FBXL17: variants seen among roughly 807,000 people sequenced by gnomAD.
FBXL17 encodes F-box/LRR-repeat protein 17.
FBXL17 carries 22 observed loss-of-function variants against 66.2 expected under a neutral mutation model. The ratio of observed to expected loss-of-function variants is 0.33; its 90% CI spans 0.24 to 0.47. The LOEUF (loss-of-function observed/expected upper bound fraction) is 0.47. FBXL17 is among the 20% of genes least tolerant of loss of function. The pLI, the probability that FBXL17 is intolerant of heterozygous loss-of-function variation, is 1.00. For missense variants in FBXL17, 878 were observed against 948.2 expected, an observed-to-expected ratio of 0.93 and a Z score of 0.97; for synonymous variants, 474 against 400.5, an observed-to-expected ratio of 1.18 and a Z score of -2.19.
intron 6 of FBXL17, among the ~76,000 whole-genome samples, chr5:108,043,404 T>A (rs993017495): frequency 6.6e-6 from 1 of 152,196 alleles, no homozygotes; most frequent in African/African-American, 2.4e-5. Context: ...TTCATTTTTA[T>A]ATAAGCTATG....
chr5:107,979,773 G>T (rs1327339360), intron 7 of FBXL17, among the ~76,000 whole-genome samples: 1 of 152,154 alleles, frequency 6.6e-6, no homozygotes, highest in Non-Finnish European at 1.5e-5. Flanking sequence ...CATGAACCCT[G>T]AGTGATCCTT....
intron 7 of FBXL17, among the ~76,000 whole-genome samples, chr5:107,960,720 T>C (rs1751868305): frequency 6.6e-6 from 1 of 152,216 alleles, no homozygotes; most frequent in South Asian, 2.1e-4. Flanking sequence ...CAATCCATTG[T>C]TCTTGGGTCT....
intron 6 of FBXL17, among the ~76,000 whole-genome samples, chr5:108,183,953 C>T (rs1753117819): frequency 6.6e-6 from 1 of 152,080 alleles, no homozygotes; most frequent in African/African-American, 2.4e-5. Flanking sequence ...ATCACATACC[C>T]ATTCTAGAGG....
chr5:107,915,975 C>A (rs1475596061), intron 7 of FBXL17, among the ~76,000 whole-genome samples: 6 of 152,206 alleles, frequency 3.9e-5, no homozygotes, highest in Non-Finnish European at 8.8e-5. Context: ...TATTTTCTCT[C>A]ACTGTATAAA....
At chr5:107,967,056 G>T (rs1443923829) in intron 7 of FBXL17, among the ~76,000 whole-genome samples, 3 of 152,004 alleles carry the variant, frequency 2.0e-5, no homozygotes, top group African/African-American at 7.2e-5. Context: ...TGAATCAGTG[G>T]CATGACAAGA....
At chr5:107,913,074 A>G (rs1750005243) in intron 7 of FBXL17, among the ~76,000 whole-genome samples, 1 of 152,066 alleles carries the variant, frequency 6.6e-6, no homozygotes, top group Non-Finnish European at 1.5e-5. Flanking sequence ...TTATTTTTTT[A>G]TCTTAACAAT....
chr5:108,024,226 G>A (rs1754708844), intron 6 of FBXL17, among the ~76,000 whole-genome samples: 1 of 152,130 alleles, frequency 6.6e-6, no homozygotes, highest in Non-Finnish European at 1.5e-5. Context: ...CCGTGTATAA[G>A]ATAATTAAGA....
In FBXL17 at chr5:108,381,886, G is replaced by A. The variant is rs1749991727; in HGVS notation, c.-195C>T. 2.3e-6 allele frequency: 3 copies of A among 1,293,648 alleles called. No homozygotes were observed. Among genetic ancestry groups the A allele is most frequent in the Non-Finnish European group, 2.0e-6 (2 of 1,021,548 alleles). 80.1% of individuals were successfully genotyped at this position (1,293,648 alleles called of 1,614,324 possible). A position where few individuals can be genotyped will look rare whatever the true frequency, so the allele number is the denominator to read the frequency against. On this transcript the variant is annotated 5_prime_UTR_variant, in exon 1 of 9. Coordinates refer to ENST00000542267, the MANE Select transcript of FBXL17 (RefSeq NM_001163315.3). ...GCTGCGGGCCGCCGGAGTGCCCGAC[G>A]GGGGCTACATGCTTTGCCCAGGGAA... is the stretch of plus-strand genomic sequence containing the variant.
At position 107,881,089 on chromosome 5, in the gene FBXL17, A is replaced by G; in HGVS notation, c.1913T>C (p.Ile638Thr). The change falls in exon 8 of 9, where the codon ATT (isoleucine) becomes ACT (threonine). Residue 638 changes from isoleucine (I) to threonine (T), a missense_variant. Transcript: ENST00000542267. The part of the protein sequence containing the change: ...KEITDQGATL[I>T]AQSSKSLRYL... ...TCTCAGAGACTTGCTGCTCTGTGCAATCAGGGTGGCTCCTTGGTCTGTGAT... is the reference window on the plus strand; with the variant it reads ...TCTCAGAGACTTGCTGCTCTGTGCAGTCAGGGTGGCTCCTTGGTCTGTGAT... 6.2e-7 allele frequency: 1 copy of G among 1,614,080 alleles called. No individual in the cohort carries two copies. The highest frequency in any genetic ancestry group is 8.5e-7 in the Non-Finnish European group (1 of 1,179,958).
chr5:108,184,640 T>A (rs1425363575), intron 6 of FBXL17, among the ~76,000 whole-genome samples: 1 of 145,528 alleles, frequency 6.9e-6, no homozygotes, highest in African/African-American at 2.6e-5. Context: ...GTTACTAGGG[T>A]GGCTAAGGCA....
chr5:107,872,683 G>A (rs1044529651), intron 8 of FBXL17, among the ~76,000 whole-genome samples: 3 of 152,178 alleles, frequency 2.0e-5, no homozygotes, highest in Non-Finnish European at 4.4e-5. Context: ...TAAGGAGAAG[G>A]AAAGAGACGA....
At position 108,018,455 on chromosome 5, in the gene FBXL17, A is replaced by G. The variant is rs548971356; in HGVS notation, c.1822+2470T>C. Among the ~76,000 whole-genome samples, 35 of 152,228 alleles carry G rather than the reference A, an allele frequency of 2.3e-4. 1 individual carries two copies. In the South Asian group the frequency reaches 6.4e-3, roughly 28 times the overall value. ...CTTTGACAAAAATTACTCATATAGCATTGGCATTGTAGTGGGTGAAAAGAT... is the reference window on the plus strand; with the variant it reads ...CTTTGACAAAAATTACTCATATAGCGTTGGCATTGTAGTGGGTGAAAAGAT... On this transcript the variant is annotated intron_variant, in intron 7 of 8. Transcript: ENST00000542267.
intron 4 of FBXL17, among the ~76,000 whole-genome samples, chr5:108,327,176 C>G (rs1046652389): frequency 3.9e-5 from 6 of 152,164 alleles, no homozygotes; most frequent in African/African-American, 1.4e-4. Context: ...ACATACAATA[C>G]TCACCTAGGA....
intron 6 of FBXL17, among the ~76,000 whole-genome samples, chr5:108,154,616 T>TACACACACACACAC (rs768615062): frequency 2.4e-4 from 23 of 96,286 alleles, no homozygotes; most frequent in African/African-American, 1.0e-3. Flanking sequence ...AATATATATA[T>TACACACACACACAC]ACACACACAC....
Position 108,310,114 on chromosome 5 carries a change from G to A in FBXL17, c.1506+38285C>T, listed in dbSNP as rs148294120. ...CTTTCTTTAAATAATTCTATTTGAG[G>A]GTAATTCAGGTCTTCCTAAGCATCA... On this transcript the variant is annotated intron_variant, in intron 4 of 8. Transcript: ENST00000542267. 2.0e-3 allele frequency among the ~76,000 whole-genome samples: 309 copies of A among 152,014 alleles called. 9 individuals carry two copies. The East Asian group carries it at 0.051, about 25-fold the overall frequency.
At chr5:108,330,202 T>C (rs1371866760) in intron 4 of FBXL17, among the ~76,000 whole-genome samples, 3 of 152,178 alleles carry the variant, frequency 2.0e-5, no homozygotes, top group South Asian at 2.1e-4. Flanking sequence ...TTCTAGGGTA[T>C]AAAATAATGT....
At chr5:108,248,618 A>G (rs1561487223) in intron 4 of FBXL17, among the ~76,000 whole-genome samples, 2 of 152,174 alleles carry the variant, frequency 1.3e-5, no homozygotes, top group Admixed American at 6.6e-5. Flanking sequence ...AATGTTAAAC[A>G]TGAAAAACCC....
chr5:108,041,409 TTTTTGTTTTG>T (rs552463697), intron 6 of FBXL17, among the ~76,000 whole-genome samples: 1 of 152,066 alleles, frequency 6.6e-6, no homozygotes, highest in Non-Finnish European at 1.5e-5. Context: ...CCTTTTTGTT[TTTTTGTTTTG>T]TTTTGTTTTG....
At chr5:107,947,058 T>C (rs1751332469) in intron 7 of FBXL17, among the ~76,000 whole-genome samples, 1 of 152,216 alleles carries the variant, frequency 6.6e-6, no homozygotes, top group Non-Finnish European at 1.5e-5. Context: ...GTGAAAGATG[T>C]ATTATTTTTC....
Sources: allele counts gnomAD v4.1 joint callset (sites outside exome capture counted in the v4.1 genomes callset), GRCh38; gene constraint gnomAD v4.1.1; transcripts MANE v1.5; gene names NCBI Gene and HGNC (gene_info 2026-07-23, HGNC 2026-07-21).